Variants in WHAMM observed in about 807,000 individuals in gnomAD.
WHAMM encodes WASP homolog associated with actin, golgi membranes and microtubules.
WHAMM carries 67 observed loss-of-function variants against 76.5 expected under a neutral mutation model. The ratio of observed to expected loss-of-function variants is 0.88; its 90% CI spans 0.72 to 1.07. The LOEUF (loss-of-function observed/expected upper bound fraction) is 1.07. Ranked by LOEUF, WHAMM falls within the 50% of genes least tolerant of loss-of-function variation. WHAMM has a pLI of 0.00. For synonymous variants in WHAMM, 419 were observed against 422.1 expected (o/e 0.99, Z 0.09); for missense variants, 1,021 against 1,051.1 (o/e 0.97, Z 0.40).
At chr15:82,821,625 C>T (rs1482851812) in intron 5 of WHAMM, among the ~76,000 whole-genome samples, 1 of 152,132 alleles carries the variant, frequency 6.6e-6, no homozygotes, top group Non-Finnish European at 1.5e-5. Context: ...ACCTTGGAAG[C>T]ACATTTTAGG....
At position 82,809,877 on chromosome 15, in the gene WHAMM, C is replaced by T; in HGVS notation, c.151C>T (p.Gln51Ter). The T allele has an allele frequency of 6.4e-7, 1 of 1,563,648 alleles. No homozygotes were observed. The highest frequency in any genetic ancestry group is 1.8e-5 in the Admixed American group (1 of 56,728). The part of the protein sequence containing the change: ...FAVTCHDRTA[Q>*]QRRLREGARL... ...TGTGACTTGTCACGACCGTACCGCG[C>T]AGCAGCGGCGGCTGCGCGAGGGGGC... Residue 51 changes from glutamine (Q) to a stop codon, truncating the protein, a stop_gained, in exon 1 of 10, where the codon CAG (glutamine) becomes TAG (stop). Transcript: ENST00000286760. LOFTEE classifies it high-confidence loss of function.
At chr15:82,817,835 G>T in intron 3 of WHAMM, 85 bp from the exon 4 acceptor site, 1 of 1,141,714 alleles carries the variant, frequency 8.8e-7, no homozygotes, top group South Asian at 2.6e-5. Flanking sequence ...AGGTAGTATG[G>T]AGGCAATAAA....
In WHAMM at chr15:82,820,435, A is replaced by G. The variant is rs964044385; in HGVS notation, c.1270+947A>G. On this transcript the variant is annotated intron_variant, in intron 5 of 9. Coordinates refer to ENST00000286760, the MANE Select transcript of WHAMM (RefSeq NM_001080435.3). ...AGGACAGATTATTTCCTTGGAATAA[A>G]TTTCTAAGGATGGAATTATTGGGTC... Among the ~76,000 whole-genome samples the G allele has an allele frequency of 1.8e-4, 28 of 152,206 alleles. 1 individual carries two copies. Among genetic ancestry groups the G allele is most frequent in the Admixed American group, 1.6e-3 (24 of 15,284 alleles).
intron 6 of WHAMM, among the ~76,000 whole-genome samples, chr15:82,825,238 T>G (rs140396885): frequency 3.3e-5 from 5 of 152,240 alleles, no homozygotes; most frequent in Admixed American, 6.5e-5. Flanking sequence ...TTTGAAGATA[T>G]ACAGGCATTT....
intron 8 of WHAMM, among the ~76,000 whole-genome samples, chr15:82,829,096 G>A (rs1351666095): frequency 1.3e-5 from 2 of 152,204 alleles, no homozygotes; most frequent in Admixed American, 1.3e-4. Flanking sequence ...TTGCGATCAA[G>A]AAAGTTTTTT....
chr15:82,820,966 CAG>C (rs1433583597), intron 5 of WHAMM, among the ~76,000 whole-genome samples: 1 of 151,640 alleles, frequency 6.6e-6, no homozygotes. Context: ...GTATGTTTCC[CAG>C]ACTCATGCCA....
rs367874690 is a variant in WHAMM, at chr15:82,833,686, A to ATT, written c.*163_*164dup. 414 of 674,544 alleles carry ATT rather than the reference A, an allele frequency of 6.1e-4. No individual in the cohort carries two copies. Among genetic ancestry groups the ATT allele is most frequent in the South Asian group, 1.6e-3 (66 of 41,934 alleles). The allele number at this position is 674,544 out of a possible 1,614,324, so 41.8% of individuals were successfully genotyped here. A position where few individuals can be genotyped will look rare whatever the true frequency, so the allele number is the denominator to read the frequency against. ...AGGGCCTTGTGTAGGCTGCTGCAGC[A>ATT]TTTTTTTTTTTTTTCTTTTTTGAGA... On this transcript the variant is annotated 3_prime_UTR_variant, in exon 10 of 10. Coordinates refer to ENST00000286760, the MANE Select transcript of WHAMM (RefSeq NM_001080435.3).
intron 6 of WHAMM, 137 bp from the exon 7 acceptor site, chr15:82,826,273 C>T: frequency 1.2e-6 from 1 of 803,932 alleles, no homozygotes; most frequent in Non-Finnish European, 2.0e-6. Context: ...GGAGACAGTA[C>T]CATTGGGCCG....
chr15:82,829,196 C>T (rs2050986850), intron 8 of WHAMM, among the ~76,000 whole-genome samples: 1 of 152,234 alleles, frequency 6.6e-6, no homozygotes, highest in African/African-American at 2.4e-5. Flanking sequence ...CTCGGCCAGG[C>T]GCCATGGCTC....
chr15:82,813,277 G>A lies in WHAMM; in HGVS notation c.783+1G>A. On this transcript the variant is annotated splice_donor_variant, in intron 2 of 9. Transcript: ENST00000286760. LOFTEE classifies it high-confidence loss of function. Reference sequence around the variant, plus strand: ...AACTTTATGTAAGCTTGATATTTTGGTATGTTTTTTTAAAATTTTTACTTT... The same window carrying A: ...AACTTTATGTAAGCTTGATATTTTGATATGTTTTTTTAAAATTTTTACTTT... 1.3e-6 allele frequency: 2 copies of A among 1,521,510 alleles called. No homozygotes were observed. Among genetic ancestry groups the A allele is most frequent in the Non-Finnish European group, 1.8e-6 (2 of 1,136,716 alleles). The allele number at this position is 1,521,510 out of a possible 1,614,324, so 94.3% of individuals were successfully genotyped here. A position where few individuals can be genotyped will look rare whatever the true frequency, so the allele number is the denominator to read the frequency against.
chr15:82,828,525 G>A (rs2050975087), intron 8 of WHAMM, among the ~76,000 whole-genome samples: 1 of 152,174 alleles, frequency 6.6e-6, no homozygotes, highest in Non-Finnish European at 1.5e-5. Context: ...CACCAAGAGA[G>A]TTTCGATGAA....
intron 9 of WHAMM, among the ~76,000 whole-genome samples, chr15:82,832,110 T>G (rs1242914084): frequency 6.6e-6 from 1 of 152,204 alleles, no homozygotes; most frequent in Non-Finnish European, 1.5e-5. Flanking sequence ...AGATCGGACT[T>G]TGGAAGTGGG....
At chr15:82,810,856 C>A in intron 1 of WHAMM, 1 of 749,708 alleles carries the variant, frequency 1.3e-6, no homozygotes, top group Non-Finnish European at 1.6e-6. Context: ...CTTTATTCAT[C>A]AGTTTGGAAT....
intron 2 of WHAMM, among the ~76,000 whole-genome samples, chr15:82,815,938 CT>C (rs1446400074): frequency 6.6e-6 from 1 of 152,190 alleles, no homozygotes; most frequent in African/African-American, 2.4e-5. Context: ...AACAACAAAA[CT>C]TTTTTTTCAC....
Position 82,826,411 on chromosome 15 carries a change from A to C in WHAMM, c.1460A>C (p.Asp487Ala). The C allele has an allele frequency of 1.2e-6, 2 of 1,613,982 alleles. No homozygotes were observed. The highest frequency in any genetic ancestry group is 1.7e-6 in the Non-Finnish European group (2 of 1,179,846). The change falls in exon 7 of 10, where the codon GAT (aspartate) becomes GCT (alanine). Residue 487 changes from aspartate to alanine, a missense_variant and splice_region_variant. Physicochemically the swap from Asp to Ala is moderately radical, Grantham distance 126 (BLOSUM62 -2). Around this residue, in one of 3 missense-constraint regions of WHAMM, gnomAD observed 509 missense variants for 492.3 expected, o/e 1.03. Transcript: ENST00000286760. ...AGGTGATTTGTATTATTCCACCAGG[A>C]TCAGTGCAAAGAAAATCATCGGTTC... is the stretch of plus-strand genomic sequence containing the variant. Reference protein sequence around the residue: ...AKRASLRSRKDQCKENHRFRL... With the variant: ...AKRASLRSRKAQCKENHRFRL...
intron 8 of WHAMM, among the ~76,000 whole-genome samples, chr15:82,830,002 A>G (rs1342357825): frequency 1.3e-5 from 2 of 152,152 alleles, no homozygotes; most frequent in Non-Finnish European, 2.9e-5. Flanking sequence ...CTTAAGCCTA[A>G]AAGTAAGAGA....
At position 82,823,139 on chromosome 15, in the gene WHAMM, A is replaced by T. The variant is rs893915186; in HGVS notation, c.1310A>T (p.Asn437Ile). The change falls in exon 6 of 10, where the codon AAT (asparagine) becomes ATT (isoleucine). Residue 437 changes from asparagine (N) to isoleucine (I), a missense_variant. This residue lies in a region of WHAMM where 509 missense variants were observed against 492.3 expected (regional missense o/e 1.03). Transcript: ENST00000286760. ...DEVVYYDPCE[N>I]PEELKVIDCV... ...GTTGTCTATTACGATCCATGTGAAA[A>T]TCCAGAGGAACTTAAAGTCATTGAC... 6.8e-7 allele frequency: 1 copy of T among 1,473,334 alleles called. No homozygotes were observed. 91.3% of individuals were successfully genotyped at this position (1,473,334 alleles called of 1,614,324 possible).
chr15:82,826,691 A>G, intron 7 of WHAMM, 60 bp from the exon 8 acceptor site: 1 of 1,530,810 alleles, frequency 6.5e-7, no homozygotes, highest in South Asian at 1.2e-5. Context: ...TTTTTATTGT[A>G]TGCCAAGACA....
intron 6 of WHAMM, among the ~76,000 whole-genome samples, chr15:82,824,781 A>G (rs1281979234): frequency 6.6e-6 from 1 of 152,220 alleles, no homozygotes. Flanking sequence ...TATTTTTCTT[A>G]TTAGAATTAA....
Sources: allele counts gnomAD v4.1 joint callset (sites outside exome capture counted in the v4.1 genomes callset), GRCh38; gene constraint gnomAD v4.1.1; regional missense constraint gnomAD v4.1.1; transcripts MANE v1.5; gene names NCBI Gene and HGNC (gene_info 2026-07-23, HGNC 2026-07-21).